Variants in CDC42EP3 observed in about 807,000 individuals in gnomAD.
CDC42EP3 encodes the protein CDC42 effector protein (Rho GTPase binding) 3.
CDC42EP3 carries 4 observed loss-of-function variants against 15.5 expected under a neutral mutation model. The ratio of observed to expected loss-of-function variants is 0.26; its 90% CI spans 0.13 to 0.59. The LOEUF is 0.59. CDC42EP3 is among the 20% of genes least tolerant of loss of function. The pLI, the probability that CDC42EP3 is intolerant of heterozygous loss-of-function variation, is 0.89. For missense variants in CDC42EP3, 309 were observed against 311.2 expected (o/e 0.99, Z 0.05); for synonymous variants, 145 against 130.3 (o/e 1.11, Z -0.77).
chr2:37,657,692 C>A (rs1184257806), intron 1 of CDC42EP3, among the ~76,000 whole-genome samples: 1 of 152,188 alleles, frequency 6.6e-6, no homozygotes, highest in Non-Finnish European at 1.5e-5. Flanking sequence ...CACACCTATG[C>A]CTATTCATTT....
At chr2:37,654,915 A>G (rs1021020514) in intron 1 of CDC42EP3, among the ~76,000 whole-genome samples, 3 of 151,234 alleles carry the variant, frequency 2.0e-5, no homozygotes, top group African/African-American at 2.4e-5. Flanking sequence ...ATTGAAGGGG[A>G]AAAAAACCCC....
chr2:37,651,118 T>C (rs965730870), intron 1 of CDC42EP3, among the ~76,000 whole-genome samples: 1 of 152,080 alleles, frequency 6.6e-6, no homozygotes, highest in African/African-American at 2.4e-5. Flanking sequence ...AGCCCAAAGA[T>C]GTACATCATC....
intron 1 of CDC42EP3, among the ~76,000 whole-genome samples, chr2:37,661,868 G>A (rs1428685111): frequency 6.6e-6 from 1 of 152,048 alleles, no homozygotes; most frequent in Non-Finnish European, 1.5e-5. Flanking sequence ...TATATATCAG[G>A]CTTAAGATTT....
chr2:37,670,796 A>G (rs1264316450), intron 1 of CDC42EP3, among the ~76,000 whole-genome samples: 1 of 152,192 alleles, frequency 6.6e-6, no homozygotes, highest in African/African-American at 2.4e-5. Flanking sequence ...ATAACGAAAA[A>G]ATGGCCAGAT....
rs907194993 is a variant in CDC42EP3 at position 37,644,178 on chromosome 2, A to G, written c.*1645T>C. 5.9e-5 allele frequency: 9 copies of G among 152,168 alleles called. No individual in the cohort carries two copies. The highest frequency in any genetic ancestry group is 2.2e-4 in the African/African-American group (9 of 41,426). The allele number at this position is 152,168 out of a possible 1,614,324, so 9.4% of individuals were successfully genotyped here. On this transcript the variant is annotated 3_prime_UTR_variant, in exon 2 of 2. Coordinates refer to ENST00000295324, the MANE Select transcript of CDC42EP3 (RefSeq NM_006449.5). ...CCTAATTGCATTTTACCTGCAGTCC[A>G]AAGGTTATTTTAGATGATAGAACTG... is the stretch of plus-strand genomic sequence containing the variant.
intron 1 of CDC42EP3, among the ~76,000 whole-genome samples, chr2:37,670,423 A>T (rs1270392678): frequency 6.6e-6 from 1 of 151,526 alleles, no homozygotes; most frequent in Non-Finnish European, 1.5e-5. Context: ...CAAATACGCC[A>T]GGGCTGGAAA....
rs1300252316 is a variant in CDC42EP3, at chr2:37,642,167, G to A, written c.*3656C>T. 1 of 152,118 alleles carries A rather than the reference G, an allele frequency of 6.6e-6. No homozygotes were observed. Among genetic ancestry groups the A allele is most frequent in the East Asian group, 1.9e-4 (1 of 5,200 alleles). 9.4% of individuals were successfully genotyped at this position (152,118 alleles called of 1,614,324 possible). The stretch of plus-strand genomic sequence containing the variant: ...TGAAATAGTGCACCATCAGAATAAA[G>A]CATGCAATATATTTACAGTCAGATG... On this transcript the variant is annotated 3_prime_UTR_variant, in exon 2 of 2. Transcript: ENST00000295324.
chr2:37,643,680 A>T lies in CDC42EP3; in HGVS notation c.*2143T>A, dbSNP rs1276865518. The T allele has an allele frequency of 6.6e-6, 1 of 152,222 alleles. No homozygotes were observed. The highest frequency in any genetic ancestry group is 2.4e-5 in the African/African-American group (1 of 41,458). The allele number at this position is 152,222 out of a possible 1,614,324, so 9.4% of individuals were successfully genotyped here. ...TAAAATGAAAGACTGAATATGATCA[A>T]TACTAATTAAAATGGGGGGGAGGTA... On this transcript the variant is annotated 3_prime_UTR_variant, in exon 2 of 2. Coordinates refer to ENST00000295324, the MANE Select transcript of CDC42EP3 (RefSeq NM_006449.5).
chr2:37,656,853 T>G (rs1024210839), intron 1 of CDC42EP3, among the ~76,000 whole-genome samples: 2 of 152,118 alleles, frequency 1.3e-5, no homozygotes, highest in African/African-American at 4.8e-5. Context: ...AGAAGGGTCC[T>G]AGACACTGGT....
rs1665390265 is a variant in CDC42EP3, at chr2:37,644,794, T to C, written c.*1029A>G. ...AGAGAAGCAATTTCTCTAGCTATAC[T>C]TATTCTCTTATGGTCTTGTTTATTA... On this transcript the variant is annotated 3_prime_UTR_variant, in exon 2 of 2. Coordinates refer to ENST00000295324, the MANE Select transcript of CDC42EP3 (RefSeq NM_006449.5). 6.6e-6 allele frequency: 1 copy of C among 152,218 alleles called. No homozygotes were observed. The highest frequency in any genetic ancestry group is 2.1e-4 in the South Asian group (1 of 4,834). The allele number at this position is 152,218 out of a possible 1,614,324, so 9.4% of individuals were successfully genotyped here. A position where few individuals can be genotyped will look rare whatever the true frequency, so the allele number is the denominator to read the frequency against.
At chr2:37,650,130 G>T in intron 1 of CDC42EP3, among the ~76,000 whole-genome samples, 1 of 152,142 alleles carries the variant, frequency 6.6e-6, no homozygotes. Flanking sequence ...GTATCTGGCA[G>T]CTCTGATCTA....
intron 1 of CDC42EP3, among the ~76,000 whole-genome samples, chr2:37,658,834 C>A (rs1030919235): frequency 6.6e-5 from 10 of 152,212 alleles, no homozygotes; most frequent in African/African-American, 2.4e-4. Flanking sequence ...CACCTACCTC[C>A]CTGCCTCCCC....
rs1558335356 is a variant in CDC42EP3, at chr2:37,645,809, A to C, written c.*14T>G. On this transcript the variant is annotated 3_prime_UTR_variant, in exon 2 of 2. Transcript: ENST00000295324. ...TTGTACCTTTTACCCCAAAGGAAAA[A>C]AGTTGGCATCTTGTTACTTATTTTT... 3 of 1,511,496 alleles carry C rather than the reference A, an allele frequency of 2.0e-6. No homozygotes were observed. The highest frequency in any genetic ancestry group is 2.3e-5 in the East Asian group (1 of 43,840). The allele number at this position is 1,511,496 out of a possible 1,614,324, so 93.6% of individuals were successfully genotyped here.
At chr2:37,670,358 G>C (rs1319413125) in intron 1 of CDC42EP3, among the ~76,000 whole-genome samples, 1 of 152,044 alleles carries the variant, frequency 6.6e-6, no homozygotes, top group Non-Finnish European at 1.5e-5. Flanking sequence ...ACATTCATCA[G>C]TTCCCTCCCT....
chr2:37,658,827 C>A (rs530802798), intron 1 of CDC42EP3, among the ~76,000 whole-genome samples: 1 of 152,350 alleles, frequency 6.6e-6, no homozygotes, highest in Non-Finnish European at 1.5e-5. Flanking sequence ...TGCCTTTCAC[C>A]TACCTCCCTG....
intron 1 of CDC42EP3, among the ~76,000 whole-genome samples, chr2:37,650,453 A>G (rs1665632044): frequency 6.6e-6 from 1 of 152,236 alleles, no homozygotes; most frequent in Non-Finnish European, 1.5e-5. Context: ...GGGTACCAGC[A>G]GCACTTGATA....
chr2:37,661,339 T>A (rs1008812772), intron 1 of CDC42EP3, among the ~76,000 whole-genome samples: 1 of 152,180 alleles, frequency 6.6e-6, no homozygotes. Flanking sequence ...AGTTGCTAGA[T>A]GGGTCAATTA....
intron 1 of CDC42EP3, among the ~76,000 whole-genome samples, chr2:37,670,448 T>C (rs1331647583): frequency 6.6e-6 from 1 of 151,042 alleles, no homozygotes; most frequent in African/African-American, 2.4e-5. Context: ...CATGTTGCAA[T>C]ACCCTCCTGA....
intron 1 of CDC42EP3, among the ~76,000 whole-genome samples, chr2:37,650,492 A>G (rs953122067): frequency 2.6e-5 from 4 of 152,222 alleles, no homozygotes; most frequent in Non-Finnish European, 5.9e-5. Flanking sequence ...GGGCTTCTCT[A>G]TGTACCGAGC....
Sources: gnomAD v4.1 joint callset for allele counts (sites outside exome capture counted in the v4.1 genomes callset) on GRCh38, gnomAD v4.1.1 for gene constraint, MANE v1.5 for transcripts, NCBI Gene and HGNC (gene_info 2026-07-23, HGNC 2026-07-21) for gene names.